Variants in CPA6 observed in about 807,000 individuals in gnomAD.
CPA6 encodes carboxypeptidase A6.
In CPA6, 58 loss-of-function variants were observed where a neutral mutation model predicts 63.3. The ratio of observed to expected loss-of-function variants is 0.92; its 90% CI spans 0.74 to 1.14. The LOEUF (loss-of-function observed/expected upper bound fraction) is 1.14. Among genes scored for constraint, CPA6 ranks in the 50% most tolerant of loss-of-function variants. The pLI is 0.00. For synonymous variants in CPA6, 185 were observed against 179.0 expected (o/e 1.03, Z -0.27); for missense variants, 565 against 526.6 (o/e 1.07, Z -0.71).
At chr8:67,705,803 C>T (rs1817121702) in intron 1 of CPA6, among the ~76,000 whole-genome samples, 1 of 152,200 alleles carries the variant, frequency 6.6e-6, no homozygotes, top group Non-Finnish European at 1.5e-5. Context: ...TTGAGGTGGG[C>T]ATAACTTCTA....
rs753639641 is a variant in CPA6, at chr8:67,746,215, G to A, written c.-86C>T. On this transcript the variant is annotated 5_prime_UTR_variant, in exon 1 of 11. Coordinates refer to ENST00000297770, the MANE Select transcript of CPA6 (RefSeq NM_020361.5). Reference sequence around the variant, plus strand: ...CACAGCACCCTCTACACACCGCACAGGTTCTCCGGGAAGGGGGTGGGCGAG... The same window carrying A: ...CACAGCACCCTCTACACACCGCACAAGTTCTCCGGGAAGGGGGTGGGCGAG... 1 of 857,018 alleles carries A rather than the reference G, an allele frequency of 1.2e-6. No individual in the cohort carries two copies. Among genetic ancestry groups the A allele is most frequent in the Non-Finnish European group, 1.8e-6 (1 of 561,402 alleles). The allele number at this position is 857,018 out of a possible 1,614,324, so 53.1% of individuals were successfully genotyped here.
chr8:67,438,608 A>G (rs1325907041), intron 8 of CPA6, among the ~76,000 whole-genome samples: 1 of 152,244 alleles, frequency 6.6e-6, no homozygotes, highest in African/African-American at 2.4e-5. Context: ...GAGTAACTCC[A>G]GAGAGCCTAC....
chr8:67,631,737 G>A (rs1165061549), intron 1 of CPA6, among the ~76,000 whole-genome samples: 1 of 152,182 alleles, frequency 6.6e-6, no homozygotes, highest in Admixed American at 6.5e-5. Context: ...CTTTGGGTCT[G>A]CACTGCCTTT....
At position 67,599,781 on chromosome 8, in the gene CPA6, A is replaced by T. The variant is rs564377445; in HGVS notation, c.192+24395T>A. ...AAACTGCAATCTGAAGAATGCCATG[A>T]TGATACTTTGGAGGTTCTCATAGTG... On this transcript the variant is annotated intron_variant, in intron 2 of 10. Coordinates refer to ENST00000297770, the MANE Select transcript of CPA6 (RefSeq NM_020361.5). Among the ~76,000 whole-genome samples, 12 of 152,336 alleles carry T rather than the reference A, an allele frequency of 7.9e-5. No individual in the cohort carries two copies. In the East Asian group the frequency reaches 2.3e-3, roughly 29 times the overall value.
chr8:67,475,877 TTCTCC>T lies in CPA6; in HGVS notation c.838+7886_838+7890del, dbSNP rs1317797284. ...TTTCTTTCTTTCTTTCTTTCTTTCT[TTCTCC>T]TTTCTTTCTTTCTTTCTTTCTTTCT... On this transcript the variant is annotated intron_variant, in intron 8 of 10. Coordinates refer to ENST00000297770, the MANE Select transcript of CPA6 (RefSeq NM_020361.5). 1.5e-3 allele frequency among the ~76,000 whole-genome samples: 106 copies of T among 72,164 alleles called. 4 individuals are homozygous for T. The highest frequency in any genetic ancestry group is 5.6e-3 in the African/African-American group (100 of 18,018). The allele number at this position is 72,164 out of a possible 152,430, so 47.3% of individuals were successfully genotyped here. A position where few individuals can be genotyped will look rare whatever the true frequency, so the allele number is the denominator to read the frequency against.
chr8:67,730,037 C>T (rs1360030653), intron 1 of CPA6, among the ~76,000 whole-genome samples: 1 of 152,188 alleles, frequency 6.6e-6, no homozygotes, highest in African/African-American at 2.4e-5. Context: ...GGGGAGGATT[C>T]CCCCAACAAG....
chr8:67,654,684 C>T (rs904260455), intron 1 of CPA6, among the ~76,000 whole-genome samples: 14 of 152,056 alleles, frequency 9.2e-5, no homozygotes, highest in East Asian at 5.8e-4. Context: ...TTAGGGCAAC[C>T]GATGAAGAGA....
intron 1 of CPA6, among the ~76,000 whole-genome samples, chr8:67,663,305 G>T (rs1481363800): frequency 2.0e-5 from 3 of 152,154 alleles, no homozygotes; most frequent in Non-Finnish European, 4.4e-5. Flanking sequence ...CTGTTAGCCA[G>T]TTATCAGAAT....
intron 2 of CPA6, among the ~76,000 whole-genome samples, chr8:67,585,517 C>T (rs1239846747): frequency 2.6e-5 from 4 of 152,056 alleles, no homozygotes; most frequent in African/African-American, 9.7e-5. Context: ...GCAGTTCCTG[C>T]ATACATTCTC....
At chr8:67,576,788 G>A (rs962630210) in intron 2 of CPA6, among the ~76,000 whole-genome samples, 4 of 151,936 alleles carry the variant, frequency 2.6e-5, no homozygotes, top group East Asian at 1.9e-4. Flanking sequence ...ACATAAAGCC[G>A]CTGAGTTGTG....
intron 1 of CPA6, among the ~76,000 whole-genome samples, chr8:67,706,178 AACT>A (rs1204070888): frequency 6.6e-6 from 1 of 152,208 alleles, no homozygotes; most frequent in Non-Finnish European, 1.5e-5. Flanking sequence ...CTTCATAAAC[AACT>A]ACTATGACTT....
At chr8:67,551,212 T>C (rs1812929996) in intron 2 of CPA6, among the ~76,000 whole-genome samples, 1 of 151,608 alleles carries the variant, frequency 6.6e-6, no homozygotes, top group Non-Finnish European at 1.5e-5. Context: ...TTTAATATGG[T>C]GAAAGGTAGG....
At chr8:67,634,530 A>G (rs1815424444) in intron 1 of CPA6, among the ~76,000 whole-genome samples, 1 of 151,496 alleles carries the variant, frequency 6.6e-6, no homozygotes, top group Non-Finnish European at 1.5e-5. Flanking sequence ...TGTAGGATCC[A>G]CTTCCTTCTT....
At chr8:67,514,114 T>C (rs1157436630) in intron 3 of CPA6, among the ~76,000 whole-genome samples, 1 of 151,982 alleles carries the variant, frequency 6.6e-6, no homozygotes, top group Non-Finnish European at 1.5e-5. Context: ...CGCACCAACA[T>C]GCCTGGCTAA....
At chr8:67,596,483 T>A (rs948049161) in intron 2 of CPA6, among the ~76,000 whole-genome samples, 4 of 152,180 alleles carry the variant, frequency 2.6e-5, no homozygotes, top group African/African-American at 9.6e-5. Flanking sequence ...AAACATTTTC[T>A]GTCATTGCCT....
At chr8:67,425,519 C>G (rs565254044) in intron 10 of CPA6, among the ~76,000 whole-genome samples, 1 of 152,026 alleles carries the variant, frequency 6.6e-6, no homozygotes, top group East Asian at 1.9e-4. Context: ...GGATTACAGG[C>G]GCACACCGCC....
intron 1 of CPA6, among the ~76,000 whole-genome samples, chr8:67,644,009 G>C (rs181528130): frequency 1.4e-3 from 207 of 152,180 alleles, no homozygotes; most frequent in Admixed American, 2.2e-3. Flanking sequence ...TTGAGCAATG[G>C]AGAAAAAGAG....
intron 2 of CPA6, among the ~76,000 whole-genome samples, chr8:67,519,466 C>A (rs1187069384): frequency 6.6e-6 from 1 of 152,208 alleles, no homozygotes; most frequent in African/African-American, 2.4e-5. Context: ...ACTTAAGTAT[C>A]AGTGCCTGCA....
At chr8:67,738,209 T>A (rs964533330) in intron 1 of CPA6, among the ~76,000 whole-genome samples, 5 of 152,226 alleles carry the variant, frequency 3.3e-5, no homozygotes, top group Admixed American at 3.3e-4. Flanking sequence ...TCTGGCCCCC[T>A]GGCTAAAGGC....
Sources: allele counts gnomAD v4.1 joint callset (sites outside exome capture counted in the v4.1 genomes callset), GRCh38; gene constraint gnomAD v4.1.1; transcripts MANE v1.5; gene names NCBI Gene and HGNC (gene_info 2026-07-23, HGNC 2026-07-21).